Variants in TPO observed in about 807,000 individuals in gnomAD.
TPO encodes the protein thyroid peroxidase.
In TPO, 78 loss-of-function variants were observed where a neutral mutation model predicts 96.9. That is an observed-to-expected ratio of 0.81 (90% CI 0.67 to 0.97). The LOEUF is 0.97. TPO is among the 50% of genes least tolerant of loss of function. TPO has a pLI of 0.00. For synonymous variants in TPO, 547 were observed against 538.0 expected (o/e 1.02, Z -0.23); for missense variants, 1,252 against 1,274.8 (o/e 0.98, Z 0.27).
chr2:1,401,391 C>T (rs560694303), intron 1 of TPO, among the ~76,000 whole-genome samples: 2 of 152,296 alleles, frequency 1.3e-5, no homozygotes, highest in East Asian at 3.9e-4. Context: ...GCCCCAGCCA[C>T]AGGGGAGTTG....
At chr2:1,436,576 CT>C (rs1415247800) in intron 5 of TPO, among the ~76,000 whole-genome samples, 192 bp downstream of exon 5, 1 of 152,202 alleles carries the variant, frequency 6.6e-6, no homozygotes, top group Admixed American at 6.5e-5. Flanking sequence ...CCAAGCAGTA[CT>C]GTCATTCCCA....
In TPO at chr2:1,524,552, C is replaced by A. The variant is rs1363650938; in HGVS notation, c.2618+7570C>A. Among the ~76,000 whole-genome samples, 18 of 135,302 alleles carry A rather than the reference C, an allele frequency of 1.3e-4. 1 individual carries two copies. Among genetic ancestry groups the A allele is most frequent in the Middle Eastern group, 4.5e-3 (1 of 222 alleles). The allele number at this position is 135,302 out of a possible 152,430, so 88.8% of individuals were successfully genotyped here. A position where few individuals can be genotyped will look rare whatever the true frequency, so the allele number is the denominator to read the frequency against. On this transcript the variant is annotated intron_variant, in intron 15 of 16. Coordinates refer to ENST00000329066, the MANE Select transcript of TPO (RefSeq NM_001206744.2). ...ACCCACTGTGTGCAACCTCAGGTCC[C>A]CCACTGTGTGCAACCCCCCCAATCC...
At chr2:1,501,762 G>A (rs945917745) in intron 13 of TPO, among the ~76,000 whole-genome samples, 8 of 152,128 alleles carry the variant, frequency 5.3e-5, no homozygotes, top group African/African-American at 1.9e-4. Context: ...CCCACCAGGA[G>A]CCAGGGCATG....
intron 1 of TPO, among the ~76,000 whole-genome samples, chr2:1,402,423 C>T (rs1204718655): frequency 6.6e-6 from 1 of 152,122 alleles, no homozygotes; most frequent in African/African-American, 2.4e-5. Flanking sequence ...AAGCAGGGAG[C>T]CAGCCAGTCT....
chr2:1,389,609 T>C (rs965618547), intron 1 of TPO, among the ~76,000 whole-genome samples: 4 of 152,184 alleles, frequency 2.6e-5, no homozygotes, highest in Non-Finnish European at 5.9e-5. Flanking sequence ...GTGATAATGA[T>C]TTGCTCAGTA....
chr2:1,421,069 A>G (rs2148427442), intron 2 of TPO, among the ~76,000 whole-genome samples: 1 of 152,250 alleles, frequency 6.6e-6, no homozygotes, highest in Non-Finnish European at 1.5e-5. Flanking sequence ...GGCAAAGATC[A>G]GAGGAGCCAG....
chr2:1,418,370 C>T (rs1363368710), intron 2 of TPO, among the ~76,000 whole-genome samples: 1 of 151,648 alleles, frequency 6.6e-6, no homozygotes, highest in African/African-American at 2.4e-5. Flanking sequence ...TGCCTGCAAA[C>T]TGTAGGAAGG....
intron 6 of TPO, among the ~76,000 whole-genome samples, chr2:1,454,790 T>C (rs1432171130): frequency 6.6e-6 from 1 of 152,264 alleles, no homozygotes; most frequent in African/African-American, 2.4e-5. Context: ...TGTGATTCTG[T>C]AAACCCATAT....
intron 7 of TPO, among the ~76,000 whole-genome samples, chr2:1,463,791 T>G (rs1432079830): frequency 6.6e-6 from 1 of 152,192 alleles, no homozygotes; most frequent in Non-Finnish European, 1.5e-5. Context: ...TAGCTATGAA[T>G]GTATCGACAA....
intron 1 of TPO, among the ~76,000 whole-genome samples, chr2:1,403,176 T>C (rs2148377424): frequency 6.6e-6 from 1 of 152,372 alleles, no homozygotes; most frequent in Middle Eastern, 3.4e-3. Flanking sequence ...TGTGTTTCTC[T>C]GTAACCCGCA....
chr2:1,453,591 G>A (rs1667510511), intron 5 of TPO, 103 bp from the exon 6 acceptor site: 2 of 1,587,372 alleles, frequency 1.3e-6, no homozygotes, highest in Non-Finnish European at 8.6e-7. Flanking sequence ...CCTCCGGAGA[G>A]ACCCCACTTA....
chr2:1,480,539 C>G (rs1378085601), intron 8 of TPO, among the ~76,000 whole-genome samples: 1 of 135,896 alleles, frequency 7.4e-6, no homozygotes, highest in Non-Finnish European at 1.6e-5. Context: ...ATCCCCCCCT[C>G]TATCACCCCT....
intron 15 of TPO, among the ~76,000 whole-genome samples, chr2:1,527,648 TC>T (rs34480829): frequency 1.4e-3 from 105 of 76,654 alleles, no homozygotes; most frequent in Non-Finnish European, 1.8e-3. Flanking sequence ...ACTCCCCAAA[TC>T]CCCCCCCAAT....
intron 5 of TPO, among the ~76,000 whole-genome samples, chr2:1,452,507 C>G (rs903234227): frequency 1.3e-5 from 2 of 152,188 alleles, no homozygotes; most frequent in African/African-American, 4.8e-5. Context: ...TGAGACAGTT[C>G]AGCAGCAACC....
intron 2 of TPO, among the ~76,000 whole-genome samples, chr2:1,422,337 C>CCTGGACAGACTTCGTGCAGGCGCCGCG (rs1663712494): frequency 3.6e-5 from 3 of 83,190 alleles, no homozygotes; most frequent in Admixed American, 1.5e-4. Context: ...AGGCGCCTCT[C>CCTGGACAGACTTCGTGCAGGCGCCGCG]CTGGACCGAC....
At chr2:1,518,880 C>A (rs146738182) in intron 15 of TPO, among the ~76,000 whole-genome samples, 12 of 152,322 alleles carry the variant, frequency 7.9e-5, no homozygotes, top group Admixed American at 7.8e-4. Context: ...GACCTCAGAA[C>A]GTAACCTTAT....
chr2:1,482,859 T>G (rs1670776999), intron 8 of TPO, among the ~76,000 whole-genome samples: 1 of 152,124 alleles, frequency 6.6e-6, no homozygotes, highest in Admixed American at 6.5e-5. Context: ...TTTTTAAATT[T>G]TTTTGTAGAA....
intron 5 of TPO, among the ~76,000 whole-genome samples, chr2:1,450,403 G>A (rs1262080374): frequency 6.6e-6 from 1 of 152,204 alleles, no homozygotes; most frequent in Non-Finnish European, 1.5e-5. Flanking sequence ...GGAAATCAGA[G>A]TGACTCGGAG....
At chr2:1,426,286 T>A (rs1006739952) in intron 3 of TPO, among the ~76,000 whole-genome samples, 1 of 148,848 alleles carries the variant, frequency 6.7e-6, no homozygotes, top group African/African-American at 2.5e-5. Context: ...ATGCTCCTTC[T>A]ATAAAGTCAT....
Sources: gnomAD v4.1 joint callset for allele counts (sites outside exome capture counted in the v4.1 genomes callset) on GRCh38, gnomAD v4.1.1 for gene constraint, MANE v1.5 for transcripts, NCBI Gene and HGNC (gene_info 2026-07-23, HGNC 2026-07-21) for gene names.